The following PTPRN2 variants were observed in gnomAD, a reference collection of about 807,000 sequenced individuals.
PTPRN2 encodes the protein receptor-type tyrosine-protein phosphatase N2.
PTPRN2 carries 74 observed loss-of-function variants against 118.8 expected under a neutral mutation model. That is an observed-to-expected ratio of 0.62 (90% CI 0.52 to 0.76). PTPRN2 has a LOEUF of 0.76. PTPRN2 is among the 30% of genes least tolerant of loss of function. The probability of loss-of-function intolerance (pLI) is 0.00; values close to 1 mark genes in which losing one functional copy is unlikely to be tolerated. For missense variants in PTPRN2, 1,481 were observed against 1,394.4 expected (o/e 1.06, Z -0.99); for synonymous variants, 641 against 608.0 (o/e 1.05, Z -0.80).
chr7:157,811,368 A>G (rs958008496), intron 12 of PTPRN2, among the ~76,000 whole-genome samples: 2 of 147,792 alleles, frequency 1.4e-5, no homozygotes, highest in Non-Finnish European at 1.5e-5. Context: ...ATGCACACAC[A>G]TGTATGTTTT....
At chr7:157,975,040 C>T (rs1585119205) in intron 11 of PTPRN2, among the ~76,000 whole-genome samples, 1 of 152,114 alleles carries the variant, frequency 6.6e-6, no homozygotes, top group Non-Finnish European at 1.5e-5. Context: ...TGGATAAGAA[C>T]TCACACTAAA....
intron 2 of PTPRN2, among the ~76,000 whole-genome samples, chr7:158,484,527 T>G (rs1820865265): frequency 6.6e-6 from 1 of 152,138 alleles, no homozygotes; most frequent in Non-Finnish European, 1.5e-5. Context: ...CACGCCCAGC[T>G]AATTTTTGTA....
chr7:158,017,774 CGCAGGACTCT>C (rs1232452275), intron 11 of PTPRN2, among the ~76,000 whole-genome samples: 1 of 152,122 alleles, frequency 6.6e-6, no homozygotes, highest in Non-Finnish European at 1.5e-5. Context: ...GACAGAAGGA[CGCAGGACTCT>C]GCACGGCTCC....
intron 15 of PTPRN2, chr7:157,613,959 C>G: frequency 2.1e-6 from 1 of 466,530 alleles, no homozygotes; most frequent in Non-Finnish European, 4.5e-6. Flanking sequence ...CCTCCCGTCA[C>G]AACTGTGACT....
chr7:157,975,938 G>C (rs1051377829), intron 11 of PTPRN2, among the ~76,000 whole-genome samples: 2 of 152,172 alleles, frequency 1.3e-5, no homozygotes, highest in Non-Finnish European at 2.9e-5. Context: ...TTTGGACAAA[G>C]CAGTGTGGCC....
chr7:158,584,748 C>G (rs770967852), intron 1 of PTPRN2, among the ~76,000 whole-genome samples: 2 of 152,182 alleles, frequency 1.3e-5, no homozygotes, highest in Non-Finnish European at 2.9e-5. Context: ...TCGTGGAGTG[C>G]GGCTCAAGGC....
chr7:158,047,721 G>A (rs1028060262), intron 11 of PTPRN2, among the ~76,000 whole-genome samples: 1 of 152,234 alleles, frequency 6.6e-6, no homozygotes, highest in African/African-American at 2.4e-5. Flanking sequence ...AGGGACAGCT[G>A]CTGGGCACAG....
At chr7:158,081,261 TG>T in intron 11 of PTPRN2, 36 bp downstream of exon 11, 13 of 1,499,620 alleles carry the variant, frequency 8.7e-6, no homozygotes, top group Non-Finnish European at 1.1e-5. Flanking sequence ...TGCACACACG[TG>T]TGTGTGCGTG....
At chr7:158,430,885 A>G (rs1451852386) in intron 2 of PTPRN2, among the ~76,000 whole-genome samples, 1 of 152,220 alleles carries the variant, frequency 6.6e-6, no homozygotes, top group Non-Finnish European at 1.5e-5. Context: ...CTCTGGACGG[A>G]GACCCCCAGG....
intron 11 of PTPRN2, among the ~76,000 whole-genome samples, chr7:157,916,294 C>T (rs1180744912): frequency 6.6e-6 from 1 of 152,190 alleles, no homozygotes; most frequent in African/African-American, 2.4e-5. Context: ...TGGTCCCAGG[C>T]TCCTGTGCAG....
intron 16 of PTPRN2, among the ~76,000 whole-genome samples, chr7:157,601,465 T>C (rs773353446): frequency 6.6e-6 from 1 of 151,772 alleles, no homozygotes; most frequent in Non-Finnish European, 1.5e-5. Context: ...AAAAGAATTG[T>C]GGTATGAAAT....
At position 157,845,592 on chromosome 7, in the gene PTPRN2, C is replaced by T. The variant is rs1161381518; in HGVS notation, c.1788+53081G>A. ...CGGCCACACAGGGCCAAGAACAGCC[C>T]AGGCAATGTTAAGGAGCATTGCATG... On this transcript the variant is annotated intron_variant, in intron 12 of 22. Coordinates refer to ENST00000389418, the MANE Select transcript of PTPRN2 (RefSeq NM_002847.5). This position sits in a 1 kb window ranked among gnomAD's most constrained non-coding sequence, Gnocchi z 4.5. Among the ~76,000 whole-genome samples the T allele has an allele frequency of 6.6e-6, 1 of 152,214 alleles. No homozygotes were observed. The highest frequency in any genetic ancestry group is 1.5e-5 in the Non-Finnish European group (1 of 68,036).
intron 3 of PTPRN2, among the ~76,000 whole-genome samples, chr7:158,277,041 C>T (rs950604088): frequency 7.9e-5 from 12 of 152,186 alleles, no homozygotes; most frequent in African/African-American, 2.7e-4. Context: ...AAGATCCCCA[C>T]GGGCAAGAGT....
At chr7:157,706,347 C>T (rs969139735) in intron 12 of PTPRN2, among the ~76,000 whole-genome samples, 1 of 152,060 alleles carries the variant, frequency 6.6e-6, no homozygotes, top group Admixed American at 6.5e-5. Flanking sequence ...TGAATCTGAC[C>T]CAGTGCCTTC....
intron 1 of PTPRN2, among the ~76,000 whole-genome samples, chr7:158,522,868 T>G (rs993965986): frequency 6.6e-6 from 1 of 152,124 alleles, no homozygotes; most frequent in African/African-American, 2.4e-5. Context: ...TGCTTCTGTG[T>G]GTGGCAGATG....
intron 5 of PTPRN2, among the ~76,000 whole-genome samples, chr7:158,177,472 C>A (rs1335125591): frequency 6.6e-6 from 1 of 152,164 alleles, no homozygotes; most frequent in Admixed American, 6.5e-5. Flanking sequence ...ATAAACAGTA[C>A]AGGAGGCATG....
At chr7:157,765,848 T>A (rs1585409635) in intron 12 of PTPRN2, among the ~76,000 whole-genome samples, 1 of 120,012 alleles carries the variant, frequency 8.3e-6, no homozygotes, top group Non-Finnish European at 1.6e-5. Flanking sequence ...CATCCACTCA[T>A]CCACTCATCC....
intron 4 of PTPRN2, among the ~76,000 whole-genome samples, chr7:158,203,736 C>A (rs1454418368): frequency 2.0e-5 from 3 of 152,126 alleles, no homozygotes; most frequent in Admixed American, 2.0e-4. Context: ...CACAACGCCC[C>A]CAGTGGAATT....
chr7:158,467,390 C>T (rs1363608496), intron 2 of PTPRN2, among the ~76,000 whole-genome samples: 2 of 152,116 alleles, frequency 1.3e-5, no homozygotes, highest in Non-Finnish European at 2.9e-5. Flanking sequence ...TCAACATTTT[C>T]TCCCGCCCTG....
Sources: gnomAD v4.1 joint callset for allele counts (sites outside exome capture counted in the v4.1 genomes callset) on GRCh38, gnomAD v4.1.1 for gene constraint, Gnocchi (gnomAD v3.1) non-coding constraint, MANE v1.5 for transcripts, NCBI Gene and HGNC (gene_info 2026-07-23, HGNC 2026-07-21) for gene names.